The following UTP15 variants were observed in gnomAD, a reference collection of about 807,000 sequenced individuals.
UTP15 encodes the protein UTP15 small subunit processome component, also known as U3 small nucleolar RNA-associated protein 15 homolog.
In UTP15, 5 loss-of-function variants were observed where a neutral mutation model predicts 59.1. The observed-to-expected ratio is 0.08, with a 90% CI of 0.04 to 0.18. The LOEUF (loss-of-function observed/expected upper bound fraction) is 0.18. Ranked by LOEUF, UTP15 falls within the 10% of genes least tolerant of loss-of-function variation. The pLI is 1.00. For missense variants in UTP15, 494 were observed against 616.7 expected (o/e 0.80, Z 2.11); for synonymous variants, 211 against 212.2 (o/e 0.99, Z 0.05).
In UTP15 at chr5:73,569,645, A is replaced by G. The variant is rs141372686; in HGVS notation, c.517A>G (p.Ser173Gly). 1,408 of 1,611,852 alleles carry G rather than the reference A, an allele frequency of 8.7e-4. 15 individuals are homozygous for G. The African/African-American group carries it at 0.016, about 18-fold the overall frequency. The change falls in exon 5 of 13, where the codon AGC becomes GGC. Residue 173 changes from serine to glycine, a missense_variant. Physicochemically the swap from Ser to Gly is moderately conservative, Grantham distance 56 (BLOSUM62 0). Coordinates refer to ENST00000296792, the MANE Select transcript of UTP15 (RefSeq NM_032175.4). Reference protein sequence around the residue: ...HSDYVRCGCASKLNPDLFITG... With the variant: ...HSDYVRCGCAGKLNPDLFITG... ...TGATTATGTGAGGTGTGGATGTGCT[A>G]GCAAACTTAATCCGGATCTCTTTAT...
chr5:73,582,113 C>T lies in UTP15; in HGVS notation c.*2019C>T, dbSNP rs1748336467. Reference sequence around the variant, plus strand: ...CATATGTCATTTCATTTGATTCTCACCACAACCATCCAAGGTTGATGTTAT... The same window carrying T: ...CATATGTCATTTCATTTGATTCTCATCACAACCATCCAAGGTTGATGTTAT... On this transcript the variant is annotated 3_prime_UTR_variant, in exon 13 of 13. Transcript: ENST00000296792. The T allele has an allele frequency of 6.6e-6, 1 of 152,162 alleles. No individual in the cohort carries two copies. Among genetic ancestry groups the T allele is most frequent in the Admixed American group, 6.5e-5 (1 of 15,280 alleles). 9.4% of individuals were successfully genotyped at this position (152,162 alleles called of 1,614,324 possible).
Position 73,577,887 on chromosome 5 carries a change from C to A in UTP15, c.926C>A (p.Thr309Asn). The A allele has an allele frequency of 6.3e-7, 1 of 1,592,068 alleles. No individual in the cohort carries two copies. Among genetic ancestry groups the A allele is most frequent in the Non-Finnish European group, 8.5e-7 (1 of 1,172,762 alleles). ...HEDETIVVGM[T>N]NGILSVKHRK... Reference sequence around the variant, plus strand: ...GATGAGACAATAGTTGTAGGAATGACCAATGGAATACTGAGTGTTAAACAT... The same window carrying A: ...GATGAGACAATAGTTGTAGGAATGAACAATGGAATACTGAGTGTTAAACAT... Residue 309 changes from threonine (T) to asparagine (N), a missense_variant, in exon 9 of 13, where the codon ACC (threonine) becomes AAC (asparagine). By Grantham distance (65) the Thr-to-Asn change is moderately conservative (BLOSUM62 0). Coordinates refer to ENST00000296792, the MANE Select transcript of UTP15 (RefSeq NM_032175.4).
chr5:73,574,880 TAC>T (rs1157514049), intron 7 of UTP15, among the ~76,000 whole-genome samples: 1 of 152,268 alleles, frequency 6.6e-6, no homozygotes, highest in African/African-American at 2.4e-5. Flanking sequence ...TTAAAAAGTA[TAC>T]AGTCATCTCT....
At chr5:73,578,438 T>C in intron 9 of UTP15, 1 of 304,236 alleles carries the variant, frequency 3.3e-6, no homozygotes, top group Non-Finnish European at 6.1e-6. Flanking sequence ...CTCTTTCTAC[T>C]GTACCACACT....
chr5:73,569,559 A>G lies in UTP15; in HGVS notation c.431A>G (p.Tyr144Cys). ...CACGTGGTCTCTGGGGCTGATGATT[A>G]TACAGTTAAATTATGGGATATTCCA... is the stretch of plus-strand genomic sequence containing the variant. ...KYHVVSGADD[Y>C]TVKLWDIPNS... Residue 144 changes from tyrosine (Y) to cysteine (C), a missense_variant, in exon 5 of 13, where the codon TAT (tyrosine) becomes TGT (cysteine). Physicochemically the swap from Tyr to Cys is radical, Grantham distance 194. Coordinates refer to ENST00000296792, the MANE Select transcript of UTP15 (RefSeq NM_032175.4). 6.2e-7 allele frequency: 1 copy of G among 1,613,846 alleles called. No individual in the cohort carries two copies. Among genetic ancestry groups the G allele is most frequent in the Non-Finnish European group, 8.5e-7 (1 of 1,179,864 alleles).
chr5:73,576,907 C>T lies in UTP15; in HGVS notation c.810-45C>T, dbSNP rs1369169218. The T allele has an allele frequency of 5.8e-6, 8 of 1,367,880 alleles. No individual in the cohort carries two copies. The African/African-American group carries it at 7.4e-5, about 13-fold the overall frequency. 84.7% of individuals were successfully genotyped at this position (1,367,880 alleles called of 1,614,324 possible). A position where few individuals can be genotyped will look rare whatever the true frequency, so the allele number is the denominator to read the frequency against. ...AGAAAATAGAAATTTGCATTTTATA[C>T]TCGTTTTCAAGGTGATTTTTGACAA... On this transcript the variant is annotated intron_variant, in intron 7 of 12. Coordinates refer to ENST00000296792, the MANE Select transcript of UTP15 (RefSeq NM_032175.4).
At chr5:73,572,317 T>G (rs1487064722) in intron 6 of UTP15, among the ~76,000 whole-genome samples, 172 bp from the exon 7 acceptor site, 5 of 152,208 alleles carry the variant, frequency 3.3e-5, no homozygotes, top group African/African-American at 1.2e-4. Flanking sequence ...GGAACTGTTA[T>G]TACCAATGAC....
rs1295749796 is a variant in UTP15 at position 73,572,678 on chromosome 5, T to C, written c.809+54T>C. ...TTATTAGTGTACACCTGTTTACTGC[T>C]TGAGGAAATGAGTTATTTCAGCAAT... On this transcript the variant is annotated intron_variant, in intron 7 of 12. Coordinates refer to ENST00000296792, the MANE Select transcript of UTP15 (RefSeq NM_032175.4). 9.2e-6 allele frequency: 14 copies of C among 1,523,802 alleles called. No individual in the cohort carries two copies. The East Asian group carries it at 2.7e-4, about 30-fold the overall frequency. 94.4% of individuals were successfully genotyped at this position (1,523,802 alleles called of 1,614,324 possible).
chr5:73,572,947 G>A (rs1356236362), intron 7 of UTP15, among the ~76,000 whole-genome samples: 1 of 151,852 alleles, frequency 6.6e-6, no homozygotes, highest in African/African-American at 2.4e-5. Flanking sequence ...ACAGGCACGC[G>A]CCACAATGCC....
intron 4 of UTP15, 51 bp downstream of exon 4, chr5:73,568,655 C>G: frequency 6.6e-7 from 1 of 1,508,786 alleles, no homozygotes; most frequent in East Asian, 2.3e-5. Flanking sequence ...GTTGTAAGCT[C>G]TTTTTTTCTC....
intron 4 of UTP15, among the ~76,000 whole-genome samples, chr5:73,569,160 T>TA (rs1387216698): frequency 1.3e-5 from 2 of 152,240 alleles, no homozygotes; most frequent in Non-Finnish European, 2.9e-5. Context: ...TAAATCTCTT[T>TA]AGAGTTTTTT....
chr5:73,568,393 G>A (rs1306307391), intron 3 of UTP15, 27 bp from the exon 4 acceptor site: 2 of 1,600,108 alleles, frequency 1.2e-6, no homozygotes, highest in Non-Finnish European at 1.7e-6. Context: ...TGAGCCATCT[G>A]GTGAAATACT....
At position 73,581,619 on chromosome 5, in the gene UTP15, G is replaced by GT. The variant is rs939902626; in HGVS notation, c.*1532dup. The GT allele has an allele frequency of 5.4e-4, 81 of 150,744 alleles. No individual in the cohort carries two copies. The highest frequency in any genetic ancestry group is 8.3e-4 in the African/African-American group (34 of 41,122). The allele number at this position is 150,744 out of a possible 1,614,324, so 9.3% of individuals were successfully genotyped here. On this transcript the variant is annotated 3_prime_UTR_variant, in exon 13 of 13. Transcript: ENST00000296792. The stretch of plus-strand genomic sequence containing the variant: ...TTCTGTAAATTCAGGGTTTTTTTTT[G>GT]TTTTTTTGTTTTTTTTAAGCCGAAA...
Position 73,580,085 on chromosome 5 carries a change from A to G in UTP15, c.1548A>G (p.Ile516Met), listed in dbSNP as rs1304122640. 1.4e-5 allele frequency: 22 copies of G among 1,613,116 alleles called. No homozygotes were observed. In the Middle Eastern group the frequency reaches 5.0e-4, roughly 36 times the overall value. Residue 516 changes from isoleucine (I) to methionine (M), a missense_variant, in exon 13 of 13, where the codon ATA becomes ATG. Physicochemically the swap from Ile to Met is conservative, Grantham distance 10. Transcript: ENST00000296792. ...TSDGFPENKK[I>M]ES is the part of the protein sequence containing the mutation. Reference sequence around the variant, plus strand: ...ATGGATTTCCAGAGAATAAGAAGATAGAATCATAGTGTCTGCTAAATAAGA... The same window carrying G: ...ATGGATTTCCAGAGAATAAGAAGATGGAATCATAGTGTCTGCTAAATAAGA...
chr5:73,570,992 T>A (rs76425322), intron 6 of UTP15, among the ~76,000 whole-genome samples: 3,428 of 152,268 alleles, frequency 0.023, 123 homozygotes, highest in African/African-American at 0.078. Context: ...TTTTAACTTA[T>A]TTTTCAAGGC....
At chr5:73,567,101 A>G (rs1276838595) in intron 1 of UTP15, among the ~76,000 whole-genome samples, 161 bp from the exon 2 acceptor site, 1 of 152,220 alleles carries the variant, frequency 6.6e-6, no homozygotes, top group South Asian at 2.1e-4. Context: ...CTTCACTTTA[A>G]TTATTCCTGC....
Position 73,579,103 on chromosome 5 carries a change from A to G in UTP15, c.1233A>G (p.Ala411=). Residue 411 remains alanine, a synonymous_variant, in exon 11 of 13, where the codon GCA becomes GCG. Coordinates refer to ENST00000296792, the MANE Select transcript of UTP15 (RefSeq NM_032175.4). The part of the protein sequence containing the change: ...NRRGVLANAL[A]GRDEKEISHV... ...GAGGAGTCCTTGCAAATGCGCTTGC[A>G]GGTCGGGATGAGAAGGAAATCAGTC... 1 of 1,614,042 alleles carries G rather than the reference A, an allele frequency of 6.2e-7. No homozygotes were observed. The highest frequency in any genetic ancestry group is 8.5e-7 in the Non-Finnish European group (1 of 1,179,910).
At chr5:73,567,504 C>A in intron 2 of UTP15, 70 bp downstream of exon 2, 1 of 1,113,982 alleles carries the variant, frequency 9.0e-7, no homozygotes, top group East Asian at 2.6e-5. Context: ...ATGTTATACT[C>A]TGGATGCTCT....
chr5:73,579,286 A>T, intron 11 of UTP15, 31 bp from the exon 12 acceptor site: 1 of 1,599,082 alleles, frequency 6.3e-7, no homozygotes, highest in Admixed American at 1.7e-5. Context: ...TAAGTTTACA[A>T]GTTTCACTAA....
Sources: gnomAD v4.1 joint callset for allele counts (sites outside exome capture counted in the v4.1 genomes callset) on GRCh38, gnomAD v4.1.1 for gene constraint, MANE v1.5 for transcripts, NCBI Gene and HGNC (gene_info 2026-07-23, HGNC 2026-07-21) for gene names.